Variants in NF1 observed in about 807,000 individuals in gnomAD.
NF1 encodes the protein neurofibromin 1, also known as neurofibromin.
In NF1, 122 loss-of-function variants were observed where a neutral mutation model predicts 325.7. The observed-to-expected ratio is 0.37, with a 90% CI of 0.32 to 0.44. The LOEUF is 0.44. Among genes scored for constraint, NF1 ranks in the 20% least tolerant of loss-of-function variants. NF1 has a pLI of 1.00. For synonymous variants in NF1, 1,091 were observed against 1,186.0 expected (o/e 0.92, Z 1.65); for missense variants, 2,140 against 3,415.4 (o/e 0.63, Z 9.31).
At chr17:31,144,545 C>T (rs1225440298) in intron 1 of NF1, among the ~76,000 whole-genome samples, 2 of 152,160 alleles carry the variant, frequency 1.3e-5, no homozygotes, top group Non-Finnish European at 2.9e-5. Flanking sequence ...TATTGTGTTG[C>T]TGACACTGGA....
At chr17:31,358,791 C>A in intron 55 of NF1, 169 bp downstream of exon 55, 1 of 1,094,444 alleles carries the variant, frequency 9.1e-7, no homozygotes, top group Non-Finnish European at 1.3e-6. Context: ...AACTGGTTGA[C>A]AACTTTTTAT....
intron 5 of NF1, among the ~76,000 whole-genome samples, chr17:31,173,985 T>C (rs1488905654): frequency 6.6e-6 from 1 of 152,232 alleles, no homozygotes; most frequent in Non-Finnish European, 1.5e-5. Context: ...TTTTAAAAAC[T>C]GATTTGGAGA....
intron 1 of NF1, among the ~76,000 whole-genome samples, chr17:31,131,569 G>T (rs1330216617): frequency 1.3e-5 from 2 of 152,164 alleles, no homozygotes; most frequent in East Asian, 3.8e-4. Context: ...TGTTCCTACT[G>T]GCTGCAGCTA....
At chr17:31,108,279 T>G (rs1399275433) in intron 1 of NF1, among the ~76,000 whole-genome samples, 2 of 139,986 alleles carry the variant, frequency 1.4e-5, no homozygotes, top group South Asian at 2.3e-4. Context: ...TTTTTTTTTT[T>G]TTTTTTTTTT....
intron 1 of NF1, among the ~76,000 whole-genome samples, chr17:31,111,729 A>T (rs1004209466): frequency 6.6e-6 from 1 of 152,200 alleles, no homozygotes; most frequent in African/African-American, 2.4e-5. Context: ...TGACCAGCAG[A>T]CCTGCACTGT....
intron 5 of NF1, among the ~76,000 whole-genome samples, chr17:31,172,983 G>A (rs997205004): frequency 2.0e-5 from 3 of 152,018 alleles, no homozygotes; most frequent in Non-Finnish European, 4.4e-5. Flanking sequence ...AGTTTGATAG[G>A]TATTTAAAGA....
chr17:31,125,884 AAT>A (rs1335370036), intron 1 of NF1, among the ~76,000 whole-genome samples: 1 of 152,182 alleles, frequency 6.6e-6, no homozygotes, highest in Non-Finnish European at 1.5e-5. Context: ...TCCCAACTGC[AAT>A]ATAGAAGTAT....
At chr17:31,272,445 C>T (rs1328072746) in intron 36 of NF1, 1 of 151,872 alleles carries the variant, frequency 6.6e-6, no homozygotes, top group Non-Finnish European at 1.5e-5. Flanking sequence ...GGGCTTGTCC[C>T]AGGATTGGTG....
At chr17:31,318,961 A>C in intron 36 of NF1, 1 of 1,613,404 alleles carries the variant, frequency 6.2e-7, no homozygotes, top group East Asian at 2.2e-5. Flanking sequence ...AACTGTTGTC[A>C]TCAGAAAGGC....
At chr17:31,204,173 A>G (rs937210987) in intron 11 of NF1, among the ~76,000 whole-genome samples, 3 of 152,128 alleles carry the variant, frequency 2.0e-5, no homozygotes, top group Non-Finnish European at 2.9e-5. Flanking sequence ...TGAACCAATT[A>G]TCTTAGCCAT....
intron 51 of NF1, among the ~76,000 whole-genome samples, chr17:31,354,871 A>G (rs569160832): frequency 9.8e-5 from 15 of 152,352 alleles, no homozygotes; most frequent in African/African-American, 3.6e-4. Flanking sequence ...TACAATGGAC[A>G]TGACTTAGTG....
At chr17:31,363,945 T>A (rs1484665398) in intron 57 of NF1, among the ~76,000 whole-genome samples, 1 of 151,018 alleles carries the variant, frequency 6.6e-6, no homozygotes, top group Non-Finnish European at 1.5e-5. Flanking sequence ...TTCCCCATGT[T>A]GACCAGGCTG....
rs989952114 is a variant in NF1 at position 31,262,784 on chromosome 17, AT to A, written c.4724+935del. Among the ~76,000 whole-genome samples the A allele has an allele frequency of 5.9e-5, 9 of 152,158 alleles. No individual in the cohort carries two copies. In the East Asian group the frequency reaches 1.7e-3, roughly 29 times the overall value. On this transcript the variant is annotated intron_variant, in intron 35 of 57. Transcript: ENST00000358273. The stretch of plus-strand genomic sequence containing the variant: ...TAATTTTTATTTTTAGCTCTACTAG[AT>A]TTTTTTTAGTGTAACAAATGTTTAT...
chr17:31,362,368 AT>A (rs1297575535), intron 57 of NF1: 1 of 984,744 alleles, frequency 1.0e-6, no homozygotes, highest in African/African-American at 1.7e-5. Flanking sequence ...CATACAGGTA[AT>A]TTAGTTTTAG....
chr17:31,219,620 G>A (rs920428628), intron 14 of NF1, among the ~76,000 whole-genome samples: 1 of 148,690 alleles, frequency 6.7e-6, no homozygotes, highest in African/African-American at 2.5e-5. Flanking sequence ...TCTCCTAATG[G>A]TATCCCTCCC....
chr17:31,200,969 T>A, intron 9 of NF1, 68 bp from the exon 10 acceptor site: 1 of 1,603,890 alleles, frequency 6.2e-7, no homozygotes, highest in Admixed American at 1.7e-5. Flanking sequence ...GTTGATGTTA[T>A]TACATGTTAG....
chr17:31,252,489 A>G (rs2067511784), intron 30 of NF1: 1 of 202,194 alleles, frequency 4.9e-6, no homozygotes, highest in African/African-American at 2.3e-5. Context: ...CAGGTGTTGG[A>G]AAAAGAACTT....
intron 1 of NF1, among the ~76,000 whole-genome samples, chr17:31,145,653 C>A (rs549068143): frequency 6.6e-6 from 1 of 151,848 alleles, no homozygotes; most frequent in African/African-American, 2.4e-5. Flanking sequence ...TTAGTAGGAG[C>A]CTGGGGGGCC....
intron 1 of NF1, among the ~76,000 whole-genome samples, chr17:31,129,454 A>T (rs915049805): frequency 1.6e-5 from 2 of 126,440 alleles, no homozygotes; most frequent in African/African-American, 2.8e-5. Context: ...GCATTATGAA[A>T]TTTTTTTTTT....
Sources: gnomAD v4.1 joint callset for allele counts (sites outside exome capture counted in the v4.1 genomes callset) on GRCh38, gnomAD v4.1.1 for gene constraint, MANE v1.5 for transcripts, NCBI Gene and HGNC (gene_info 2026-07-23, HGNC 2026-07-21) for gene names.